Variants in DBNL observed in about 807,000 individuals in gnomAD.
The protein encoded by DBNL is drebrin like.
In DBNL, 35 loss-of-function variants were observed where a neutral mutation model predicts 62.2. The observed-to-expected ratio is 0.56, with a 90% CI of 0.43 to 0.75. DBNL has a LOEUF of 0.75. DBNL is among the 30% of genes least tolerant of loss of function. The pLI is 0.00. For synonymous variants in DBNL, 197 were observed against 218.0 expected, an observed-to-expected ratio of 0.90 and a Z score of 0.85; for missense variants, 495 against 578.4, an observed-to-expected ratio of 0.86 and a Z score of 1.48.
In DBNL at chr7:44,064,665, A is replaced by T. The variant is rs1162501019; in HGVS notation, c.*3749A>T. 5 of 666,540 alleles carry T rather than the reference A, an allele frequency of 7.5e-6. No individual in the cohort carries two copies. The highest frequency in any genetic ancestry group is 1.3e-5 in the Non-Finnish European group (5 of 383,010). 41.3% of individuals were successfully genotyped at this position (666,540 alleles called of 1,614,324 possible). Reference sequence around the variant, plus strand: ...GTCCCAGTTACACAGAAATGGGGAAAATTTCACAAAACTAAAAAATGGCTT... The same window carrying T: ...GTCCCAGTTACACAGAAATGGGGAATATTTCACAAAACTAAAAAATGGCTT... On this transcript the variant is annotated 3_prime_UTR_variant, in exon 13 of 13. Transcript: ENST00000448521.
chr7:44,059,810 C>T lies in DBNL; in HGVS notation c.1047+152C>T, dbSNP rs1003084165. 1.3e-5 allele frequency: 11 copies of T among 869,776 alleles called. No individual in the cohort carries two copies. Among genetic ancestry groups the T allele is most frequent in the African/African-American group, 5.1e-5 (3 of 59,260 alleles). 53.9% of individuals were successfully genotyped at this position (869,776 alleles called of 1,614,324 possible). ...TGTGTTATAAATTGTCAGGGCACGCCCCACTCTATAGGAGGTGCTGGGTGG... is the reference window on the plus strand; with the variant it reads ...TGTGTTATAAATTGTCAGGGCACGCTCCACTCTATAGGAGGTGCTGGGTGG... On this transcript the variant is annotated intron_variant, in intron 11 of 12. Coordinates refer to ENST00000448521, the MANE Select transcript of DBNL (RefSeq NM_001014436.3). The surrounding 1 kb of genome is among the most constrained non-coding windows in gnomAD (Gnocchi z 4.1).
intron 4 of DBNL, among the ~76,000 whole-genome samples, chr7:44,054,974 T>C (rs2096133587): frequency 6.6e-6 from 1 of 152,256 alleles, no homozygotes; most frequent in Non-Finnish European, 1.5e-5. Flanking sequence ...CATTCTGTTT[T>C]ATGGCTGAAT....
rs1336377295 is a variant in DBNL at position 44,069,283 on chromosome 7, T to C, written c.*8367T>C. On this transcript the variant is annotated 3_prime_UTR_variant, in exon 13 of 13. Transcript: ENST00000448521. ...TTTAAGAGTTATGTGATGGTTGAAT[T>C]AAGTCATGATACTGTCTGATGGAGG... The C allele has an allele frequency of 1.3e-5, 2 of 152,146 alleles. No individual in the cohort carries two copies. Among genetic ancestry groups the C allele is most frequent in the Non-Finnish European group, 2.9e-5 (2 of 68,030 alleles). The allele number at this position is 152,146 out of a possible 1,614,324, so 9.4% of individuals were successfully genotyped here.
At position 44,060,487 on chromosome 7, in the gene DBNL, G is replaced by A. The variant is rs1198604451; in HGVS notation, c.1154-290G>A. Among the ~76,000 whole-genome samples the A allele has an allele frequency of 6.6e-6, 1 of 152,144 alleles. No homozygotes were observed. Among genetic ancestry groups the A allele is most frequent in the African/African-American group, 2.4e-5 (1 of 41,422 alleles). On this transcript the variant is annotated intron_variant, in intron 12 of 12. Coordinates refer to ENST00000448521, the MANE Select transcript of DBNL (RefSeq NM_001014436.3). This position sits in a 1 kb window ranked among gnomAD's most constrained non-coding sequence, Gnocchi z 6.3. ...GGTTCACCAGGCGTCCCTGGGTGGA[G>A]GCCTTGGAGAATGGGGTGGAGGCCC...
At position 44,067,666 on chromosome 7, in the gene DBNL, C is replaced by T. The variant is rs1250483118; in HGVS notation, c.*6750C>T. On this transcript the variant is annotated 3_prime_UTR_variant, in exon 13 of 13. Coordinates refer to ENST00000448521, the MANE Select transcript of DBNL (RefSeq NM_001014436.3). ...CAGGGGTAGGAAAACCAAAAGCCAC[C>T]CTCAGGGCCTCCATCCAGGAAGGCA... The T allele has an allele frequency of 6.6e-6, 1 of 152,188 alleles. No individual in the cohort carries two copies. Among genetic ancestry groups the T allele is most frequent in the Non-Finnish European group, 1.5e-5 (1 of 68,068 alleles). 9.4% of individuals were successfully genotyped at this position (152,188 alleles called of 1,614,324 possible). A position where few individuals can be genotyped will look rare whatever the true frequency, so the allele number is the denominator to read the frequency against.
intron 8 of DBNL, 78 bp downstream of exon 8, chr7:44,058,558 G>A: frequency 1.3e-6 from 2 of 1,564,110 alleles, no homozygotes; most frequent in Non-Finnish European, 1.7e-6. Context: ...TGAGGGCCCA[G>A]CCCAGACCTG....
chr7:44,052,184 A>C (rs1195577095), intron 3 of DBNL, among the ~76,000 whole-genome samples: 1 of 152,098 alleles, frequency 6.6e-6, no homozygotes, highest in Non-Finnish European at 1.5e-5. Context: ...AATGGATTAA[A>C]AGCAGTCACA....
Position 44,058,857 on chromosome 7 carries a change from T to C in DBNL, c.754-45T>C, listed in dbSNP as rs758617371. The C allele has an allele frequency of 1.9e-6, 3 of 1,611,854 alleles. No homozygotes were observed. The South Asian group carries it at 3.3e-5, about 18-fold the overall frequency. On this transcript the variant is annotated intron_variant, in intron 8 of 12. Transcript: ENST00000448521. ...GGGGCTGTGATCTGGGGAGAGGTGG[T>C]GAAGGTTTTGCCCACTGCAGGGGTC...
Position 44,064,998 on chromosome 7 carries a change from T to G in DBNL, c.*4082T>G. 1 of 1,606,490 alleles carries G rather than the reference T, an allele frequency of 6.2e-7. No homozygotes were observed. Among genetic ancestry groups the G allele is most frequent in the Non-Finnish European group, 8.5e-7 (1 of 1,179,628 alleles). ...TGGGGAGTTCCCCGGGCTTCAGGCC[T>G]GCGTACCGACGCTCCTGGGGGACAC... On this transcript the variant is annotated 3_prime_UTR_variant, in exon 13 of 13. Transcript: ENST00000448521.
At position 44,059,342 on chromosome 7, in the gene DBNL, C is replaced by G; in HGVS notation, c.836-12C>G. 1 of 1,613,646 alleles carries G rather than the reference C, an allele frequency of 6.2e-7. No homozygotes were observed. The highest frequency in any genetic ancestry group is 8.5e-7 in the Non-Finnish European group (1 of 1,179,824). On this transcript the variant is annotated splice_polypyrimidine_tract_variant and intron_variant, in intron 9 of 12. Transcript: ENST00000448521. This position sits in a 1 kb window ranked among gnomAD's most constrained non-coding sequence, Gnocchi z 4.1. ...TTTCTGAAGTGATGTATATATTTAC[C>G]CGGGTTTGCAGGCAAGCTGAGGAGC...
At position 44,058,950 on chromosome 7, in the gene DBNL, A is replaced by G. The variant is rs767641685; in HGVS notation, c.802A>G (p.Met268Val). The G allele has an allele frequency of 2.5e-6, 4 of 1,613,874 alleles. No individual in the cohort carries two copies. The highest frequency in any genetic ancestry group is 1.7e-5 in the Admixed American group (1 of 60,010). ...REIFKQKERA[M>V]STTSISSPQP... is the part of the protein sequence containing the mutation. The stretch of plus-strand genomic sequence containing the variant: ...GATTTTCAAGCAGAAGGAGAGGGCC[A>G]TGTCCACCACCTCCATCTCCAGTCC... The change falls in exon 9 of 13, where the codon ATG becomes GTG. Residue 268 changes from methionine to valine, a missense_variant. Met to Val is a conservative substitution (Grantham distance 21, BLOSUM62 1). Transcript: ENST00000448521.
chr7:44,048,915 C>A (rs752719137), intron 1 of DBNL, among the ~76,000 whole-genome samples: 1 of 152,190 alleles, frequency 6.6e-6, no homozygotes, highest in Non-Finnish European at 1.5e-5. Flanking sequence ...AGTACAATGG[C>A]ATCATCATGG....
chr7:44,057,271 G>A (rs571308609), intron 5 of DBNL, among the ~76,000 whole-genome samples: 3 of 152,380 alleles, frequency 2.0e-5, no homozygotes, highest in South Asian at 2.1e-4. Flanking sequence ...GCATCAAGGC[G>A]GAGCCTGAAA....
chr7:44,068,530 A>G lies in DBNL; in HGVS notation c.*7614A>G, dbSNP rs1212634204. 1 of 152,228 alleles carries G rather than the reference A, an allele frequency of 6.6e-6. No individual in the cohort carries two copies. The highest frequency in any genetic ancestry group is 2.4e-5 in the African/African-American group (1 of 41,458). The allele number at this position is 152,228 out of a possible 1,614,324, so 9.4% of individuals were successfully genotyped here. ...AAACAAGGTCCAGAGTCTCAACATA[A>G]TATTTAAAATATCCAGGTTATCCAA... On this transcript the variant is annotated 3_prime_UTR_variant, in exon 13 of 13. Transcript: ENST00000448521.
intron 4 of DBNL, 56 bp downstream of exon 4, chr7:44,052,997 C>G (rs375241613): frequency 1.9e-6 from 3 of 1,582,006 alleles, no homozygotes; most frequent in South Asian, 1.1e-5. Flanking sequence ...CTTGAGGTCT[C>G]GCAGGTTCCT....
rs372710041 is a variant in DBNL at position 44,059,088 on chromosome 7, G to T, written c.835+105G>T. On this transcript the variant is annotated intron_variant, in intron 9 of 12. Coordinates refer to ENST00000448521, the MANE Select transcript of DBNL (RefSeq NM_001014436.3). The surrounding 1 kb of genome is among the most constrained non-coding windows in gnomAD (Gnocchi z 4.1). Reference sequence around the variant, plus strand: ...GGCTAGTGACAGATATATCGGTGACGGGTGAGTGAGTGAGGAGAAGGGACA... The same window carrying T: ...GGCTAGTGACAGATATATCGGTGACTGGTGAGTGAGTGAGGAGAAGGGACA... The T allele has an allele frequency of 3.2e-6, 4 of 1,251,034 alleles. No homozygotes were observed. Among genetic ancestry groups the T allele is most frequent in the Admixed American group, 2.1e-5 (1 of 48,134 alleles). The allele number at this position is 1,251,034 out of a possible 1,614,324, so 77.5% of individuals were successfully genotyped here.
chr7:44,053,214 T>C (rs1032195787), intron 4 of DBNL, among the ~76,000 whole-genome samples: 2 of 152,022 alleles, frequency 1.3e-5, no homozygotes, highest in Admixed American at 6.6e-5. Flanking sequence ...GTGAGAAGGG[T>C]GGGCCCTGGT....
rs1352617775 is a variant in DBNL, at chr7:44,064,949, T to C, written c.*4033T>C. 3 of 1,609,248 alleles carry C rather than the reference T, an allele frequency of 1.9e-6. No homozygotes were observed. The highest frequency in any genetic ancestry group is 2.2e-5 in the East Asian group (1 of 44,884). ...TTCCAGAAGGGCAGGGCCCGGGCAA[T>C]GGTGTCCTTGAGGCTCTCGCAGGTG... On this transcript the variant is annotated 3_prime_UTR_variant, in exon 13 of 13. Transcript: ENST00000448521.
rs1211383737 is a variant in DBNL, at chr7:44,060,784, C to T, written c.1161C>T (p.Asp387=). The part of the protein sequence containing the change: ...RALYDYQAAD[D]TEISFDPENL... Reference sequence around the variant, plus strand: ...GGCTCATCCTCTTTGCAGCCGACGACACAGAGATCTCCTTTGACCCCGAGA... The same window carrying T: ...GGCTCATCCTCTTTGCAGCCGACGATACAGAGATCTCCTTTGACCCCGAGA... The change falls in exon 13 of 13, where the codon GAC becomes GAT. Residue 387 remains aspartate (D), a synonymous_variant. Transcript: ENST00000448521. This position sits in a 1 kb window ranked among gnomAD's most constrained non-coding sequence, Gnocchi z 6.3. The T allele has an allele frequency of 2.5e-6, 4 of 1,613,830 alleles. No individual in the cohort carries two copies. The highest frequency in any genetic ancestry group is 1.7e-5 in the Admixed American group (1 of 59,964).
Sources: allele counts gnomAD v4.1 joint callset (sites outside exome capture counted in the v4.1 genomes callset), GRCh38; gene constraint gnomAD v4.1.1; non-coding constraint Gnocchi (gnomAD v3.1); transcripts MANE v1.5; gene names NCBI Gene and HGNC (gene_info 2026-07-23, HGNC 2026-07-21).